Variants in CCDC136 observed in about 807,000 individuals in gnomAD.
CCDC136 encodes the protein coiled-coil domain containing 136.
In CCDC136, 100 loss-of-function variants were observed where a neutral mutation model predicts 141.2. The observed-to-expected ratio is 0.71, with a 90% CI of 0.60 to 0.84. The LOEUF (loss-of-function observed/expected upper bound fraction) is 0.84. CCDC136 is among the 40% of genes least tolerant of loss of function. The pLI is 0.00. For synonymous variants in CCDC136, 474 were observed against 531.9 expected (o/e 0.89, Z 1.50); for missense variants, 1,206 against 1,379.4 (o/e 0.87, Z 1.99).
chr7:128,805,872 C>T lies in CCDC136; in HGVS notation c.1060C>T (p.Arg354Trp), dbSNP rs775126730. The change falls in exon 7 of 18, where the codon CGG becomes TGG. Residue 354 changes from arginine (R) to tryptophan (W), a missense_variant. Physicochemically the swap from Arg to Trp is moderately radical, Grantham distance 101. Transcript: ENST00000297788. This position sits in a 1 kb window ranked among gnomAD's most constrained non-coding sequence, Gnocchi z 4.6. ...CAAGTGTGCTCAGAATGAGGTGCTT[C>T]GGTTTCAGACCTCCCACAGTGTCAC... ...ELKCAQNEVL[R>W]FQTSHSVTQN... 16 of 1,613,778 alleles carry T rather than the reference C, an allele frequency of 9.9e-6. No homozygotes were observed. The highest frequency in any genetic ancestry group is 8.3e-5 in the Admixed American group (5 of 59,998).
rs760664286 is a variant in CCDC136 at position 128,809,625 on chromosome 7, A to G, written c.1781A>G (p.Lys594Arg). ...CACAGGCTCACACTGCCACTGCCAA[A>G]GAGTGGCCTCTTACTCAAGGTAACT... ...ELHRLTLPLP[K>R]SGLLLKSQEL... is the part of the protein sequence containing the mutation. Residue 594 changes from lysine to arginine, a missense_variant, in exon 11 of 18, where the codon AAG becomes AGG. Transcript: ENST00000297788. The G allele has an allele frequency of 3.2e-6, 5 of 1,540,280 alleles. No individual in the cohort carries two copies. The highest frequency in any genetic ancestry group is 2.7e-5 in the African/African-American group (2 of 72,962).
chr7:128,804,122 C>A (rs1191012436), intron 4 of CCDC136, among the ~76,000 whole-genome samples: 1 of 152,196 alleles, frequency 6.6e-6, no homozygotes, highest in African/African-American at 2.4e-5. Context: ...GGCAAGAATT[C>A]TTTACCACAT....
At chr7:128,791,458 T>C, upstream of CCDC136, 1 of 1,305,900 alleles carries the variant, frequency 7.7e-7, no homozygotes, top group Non-Finnish European at 9.7e-7. This position sits in a 1 kb window ranked among gnomAD's most constrained non-coding sequence, Gnocchi z 7.1. Flanking sequence ...CTGCGGCTTC[T>C]GCTCAGGGAG....
rs369180028 is a variant in CCDC136, at chr7:128,812,917, C to T, written c.2751C>T (p.Asn917=). 143 of 1,606,274 alleles carry T rather than the reference C, an allele frequency of 8.9e-5. No individual in the cohort carries two copies. Among genetic ancestry groups the T allele is most frequent in the Non-Finnish European group, 9.4e-5 (110 of 1,176,464 alleles). ...ECLEKPMAPQ[N]DKNEIKELQT... The stretch of plus-strand genomic sequence containing the variant: ...TTGAAAAGCCCATGGCCCCCCAGAA[C>T]GACAAGAATGAGGTAACCACTGTCA... Residue 917 remains asparagine (N), a synonymous_variant, in exon 14 of 18, where the codon AAC becomes AAT. Transcript: ENST00000297788.
Position 128,792,308 on chromosome 7 carries a change from C to G in CCDC136, c.-104C>G. 1 of 1,318,934 alleles carries G rather than the reference C, an allele frequency of 7.6e-7. No homozygotes were observed. The highest frequency in any genetic ancestry group is 1.0e-6 in the Non-Finnish European group (1 of 968,260). 81.7% of individuals were successfully genotyped at this position (1,318,934 alleles called of 1,614,324 possible). On this transcript the variant is annotated 5_prime_UTR_variant, in exon 1 of 18. Coordinates refer to ENST00000297788, the MANE Select transcript of CCDC136 (RefSeq NM_022742.5). ...CCCCACCCCCCAGCCCCTCCTTTCT[C>G]CCTGCTCTCAGGACCCACAGTGACC...
intron 4 of CCDC136, among the ~76,000 whole-genome samples, chr7:128,804,325 C>T (rs890926122): frequency 1.3e-5 from 2 of 152,144 alleles, no homozygotes; most frequent in Non-Finnish European, 2.9e-5. Flanking sequence ...TTTTTACATA[C>T]AGTAAAAATT....
At chr7:128,811,684 A>G in intron 12 of CCDC136, 116 bp from the exon 13 acceptor site, 1 of 926,368 alleles carries the variant, frequency 1.1e-6, no homozygotes, top group East Asian at 2.6e-5. Context: ...GGTGAGGTGG[A>G]AATGTAGGTG....
Position 128,816,008 on chromosome 7 carries a change from T to C in CCDC136, c.3363+77T>C, listed in dbSNP as rs1806571450. On this transcript the variant is annotated intron_variant, in intron 16 of 17. Transcript: ENST00000297788. ...ATAACTCCGAGTTAATGGGTGGCCC[T>C]GCCAAGGATGGATATCTCCAGGAGT... 1.1e-5 allele frequency: 16 copies of C among 1,415,220 alleles called. No homozygotes were observed. The South Asian group carries it at 2.0e-4, about 17-fold the overall frequency. 87.7% of individuals were successfully genotyped at this position (1,415,220 alleles called of 1,614,324 possible).
Position 128,809,440 on chromosome 7 carries a change from C to G in CCDC136, c.1606-10C>G. Reference sequence around the variant, plus strand: ...GTAACCACCCCCTCCACACCCGCCCCCACCCACAGTGTGACACACTGCTGT... The same window carrying G: ...GTAACCACCCCCTCCACACCCGCCCGCACCCACAGTGTGACACACTGCTGT... On this transcript the variant is annotated splice_polypyrimidine_tract_variant and intron_variant, in intron 10 of 17. Coordinates refer to ENST00000297788, the MANE Select transcript of CCDC136 (RefSeq NM_022742.5). 3 of 1,516,676 alleles carry G rather than the reference C, an allele frequency of 2.0e-6. No individual in the cohort carries two copies. The highest frequency in any genetic ancestry group is 2.7e-6 in the Non-Finnish European group (3 of 1,119,524). 94.0% of individuals were successfully genotyped at this position (1,516,676 alleles called of 1,614,324 possible). A position where few individuals can be genotyped will look rare whatever the true frequency, so the allele number is the denominator to read the frequency against.
chr7:128,815,249 A>G (rs918709452), intron 15 of CCDC136, among the ~76,000 whole-genome samples: 1 of 152,256 alleles, frequency 6.6e-6, no homozygotes, highest in African/African-American at 2.4e-5. Flanking sequence ...AGAAGAACCA[A>G]ATAGATGAAG....
intron 3 of CCDC136, among the ~76,000 whole-genome samples, chr7:128,796,739 ATTC>A (rs1198414591): frequency 6.2e-5 from 7 of 113,370 alleles, no homozygotes; most frequent in African/African-American, 2.8e-4. Context: ...ATATATATAT[ATTC>A]TTTTTTTTTT....
intron 1 of CCDC136, among the ~76,000 whole-genome samples, chr7:128,793,546 T>C (rs58044348): frequency 0.37 from 56,995 of 152,088 alleles, 13,166 homozygotes; most frequent in African/African-American, 0.63. Flanking sequence ...ACGGGCAATG[T>C]TTTCTTATTA....
At position 128,808,402 on chromosome 7, in the gene CCDC136, CACTT is replaced by C. The variant is rs1805195127; in HGVS notation, c.1605+858_1605+861del. On this transcript the variant is annotated intron_variant, in intron 10 of 17. Transcript: ENST00000297788. ...ATGGAAGAGAATACTACTCTTAACT[CACTT>C]CCTTTTAGCAGTAAATCCTGGTAGT... is the stretch of plus-strand genomic sequence containing the variant. 4.9e-6 allele frequency: 4 copies of C among 812,118 alleles called. No homozygotes were observed. In the African/African-American group the frequency reaches 5.6e-5, roughly 11 times the overall value. 50.3% of individuals were successfully genotyped at this position (812,118 alleles called of 1,614,324 possible).
Position 128,805,666 on chromosome 7 carries a change from T to TAA in CCDC136, c.949-95_949-94insAA. 1 of 1,562,818 alleles carries TAA rather than the reference T, an allele frequency of 6.4e-7. No homozygotes were observed. On this transcript the variant is annotated intron_variant, in intron 6 of 17. Transcript: ENST00000297788. This position sits in a 1 kb window ranked among gnomAD's most constrained non-coding sequence, Gnocchi z 4.6. The stretch of plus-strand genomic sequence containing the variant: ...GGTCTCACTTGCCTGATGTAAATCT[T>TAA]CCAGTCAAAGAGCGCCATGCTTTCC...
Position 128,812,075 on chromosome 7 carries a change from C to G in CCDC136, c.2304C>G (p.Asp768Glu). ...CRKTYDTTVD[D>E]NESYYKSYTS... ...AGACTTATGATACCACTGTGGATGA[C>G]AATGAGAGCTATTACAAGAGTTACA... The change falls in exon 13 of 18, where the codon GAC becomes GAG. Residue 768 changes from aspartate (D) to glutamate (E), a missense_variant. By Grantham distance (45) the Asp-to-Glu change is conservative. Transcript: ENST00000297788. 1.2e-6 allele frequency: 2 copies of G among 1,613,994 alleles called. No homozygotes were observed. The highest frequency in any genetic ancestry group is 2.2e-5 in the South Asian group (2 of 91,082).
At position 128,819,015 on chromosome 7, in the gene CCDC136, A is replaced by G. The variant is rs866661337; in HGVS notation, c.*5+1151A>G. Reference sequence around the variant, plus strand: ...TCCCTCCCCAGCTTTCCTGTTACTCATCTTCAAGCCTCCACTTTTCTTCTT... The same window carrying G: ...TCCCTCCCCAGCTTTCCTGTTACTCGTCTTCAAGCCTCCACTTTTCTTCTT... On this transcript the variant is annotated intron_variant, in intron 17 of 17. Coordinates refer to ENST00000297788, the MANE Select transcript of CCDC136 (RefSeq NM_022742.5). Among the ~76,000 whole-genome samples, 6 of 152,074 alleles carry G rather than the reference A, an allele frequency of 3.9e-5. No homozygotes were observed. In the Middle Eastern group the frequency reaches 0.01, roughly 259 times the overall value.
At chr7:128,809,391 C>T in intron 10 of CCDC136, 59 bp from the exon 11 acceptor site, 2 of 1,203,258 alleles carry the variant, frequency 1.7e-6, no homozygotes, top group Non-Finnish European at 2.4e-6. Flanking sequence ...CTCTGTTAGC[C>T]ACCCAAGAAG....
In CCDC136 at chr7:128,821,813, G is replaced by A. The variant is rs577701258; in HGVS notation, c.*20G>A. The stretch of plus-strand genomic sequence containing the variant: ...GGTCCCCACAGAACATGTTTGGGTT[G>A]TGGAAGCCTATGGTATTCTTGGCTA... On this transcript the variant is annotated 3_prime_UTR_variant, in exon 18 of 18. Coordinates refer to ENST00000297788, the MANE Select transcript of CCDC136 (RefSeq NM_022742.5). This position sits in a 1 kb window ranked among gnomAD's most constrained non-coding sequence, Gnocchi z 5.1. The A allele has an allele frequency of 2.6e-5, 33 of 1,290,496 alleles. No homozygotes were observed. In the African/African-American group the frequency reaches 4.7e-4, roughly 18 times the overall value. 79.9% of individuals were successfully genotyped at this position (1,290,496 alleles called of 1,614,324 possible). A position where few individuals can be genotyped will look rare whatever the true frequency, so the allele number is the denominator to read the frequency against.
Position 128,810,319 on chromosome 7 carries a change from C to T in CCDC136, c.1981C>T (p.Pro661Ser). The T allele has an allele frequency of 6.2e-7, 1 of 1,613,982 alleles. No individual in the cohort carries two copies. ...TCATTTCCAGGAAGTGTTGGAGAAT[C>T]CCGATGATTCCAAATTGGCTAAGTC... The part of the protein sequence containing the change: ...ESHFQEVLEN[P>S]DDSKLAKSSK... Residue 661 changes from proline to serine, a missense_variant, in exon 12 of 18, where the codon CCC (proline) becomes TCC (serine). Pro to Ser is a moderately conservative substitution (Grantham distance 74). Transcript: ENST00000297788.
Sources: allele counts gnomAD v4.1 joint callset (sites outside exome capture counted in the v4.1 genomes callset), GRCh38; gene constraint gnomAD v4.1.1; non-coding constraint Gnocchi (gnomAD v3.1); transcripts MANE v1.5; gene names NCBI Gene and HGNC (gene_info 2026-07-23, HGNC 2026-07-21).